The following GRID1 variants were observed in gnomAD, a reference collection of about 807,000 sequenced individuals.
The protein encoded by GRID1 is glutamate ionotropic receptor delta type subunit 1.
Under a neutral mutation model 98.0 loss-of-function variants are expected in GRID1, and 28 were observed. The observed-to-expected ratio is 0.29, with a 90% confidence interval of 0.21 to 0.39. The LOEUF is 0.39. GRID1 is among the 10% of genes least tolerant of loss of function. The pLI, the probability that GRID1 is intolerant of heterozygous loss-of-function variation, is 1.00. For missense variants in GRID1, 1,111 were observed against 1,340.5 expected (o/e 0.83, Z 2.67); for synonymous variants, 553 against 538.5 (o/e 1.03, Z -0.37).
At chr10:86,184,560 T>G (rs1224118305) in intron 3 of GRID1, among the ~76,000 whole-genome samples, 1 of 151,154 alleles carries the variant, frequency 6.6e-6, no homozygotes, top group Non-Finnish European at 1.5e-5. Flanking sequence ...TTTGCAACCC[T>G]GTTGAAATCA....
At chr10:86,308,066 C>A (rs1477603395) in intron 2 of GRID1, among the ~76,000 whole-genome samples, 1 of 152,314 alleles carries the variant, frequency 6.6e-6, no homozygotes, top group Middle Eastern at 3.4e-3. Context: ...TCCCCTCCCC[C>A]AAGGACCACC....
rs79012106 is a variant in GRID1, at chr10:85,861,844, C to T, written c.952-5654G>A. Among the ~76,000 whole-genome samples, 552 of 152,316 alleles carry T rather than the reference C, an allele frequency of 3.6e-3. 2 individuals carry two copies. Among genetic ancestry groups the T allele is most frequent in the African/African-American group, 0.013 (521 of 41,580 alleles). ...CTGGAGAAGCTTCCAGATGAGGACTCAATTGAGTGAGGACTCAATGGTCAC... is the reference window on the plus strand; with the variant it reads ...CTGGAGAAGCTTCCAGATGAGGACTTAATTGAGTGAGGACTCAATGGTCAC... On this transcript the variant is annotated intron_variant, in intron 6 of 15. Coordinates refer to ENST00000327946, the MANE Select transcript of GRID1 (RefSeq NM_017551.3).
chr10:86,018,597 G>A (rs1843008637), intron 4 of GRID1, among the ~76,000 whole-genome samples: 1 of 152,196 alleles, frequency 6.6e-6, no homozygotes, highest in Admixed American at 6.5e-5. Context: ...GACTGCAGGT[G>A]CCCACGCCTT....
intron 2 of GRID1, among the ~76,000 whole-genome samples, chr10:86,347,457 AAGTGATTCAGCCC>A (rs1197544270): frequency 1.3e-5 from 2 of 152,186 alleles, no homozygotes; most frequent in African/African-American, 2.4e-5. Flanking sequence ...TTCGGGGAGG[AAGTGATTCAGCCC>A]CATACCAGCC....
At chr10:86,153,957 G>GC (rs1845207111) in intron 3 of GRID1, among the ~76,000 whole-genome samples, 2 of 152,184 alleles carry the variant, frequency 1.3e-5, no homozygotes, top group Admixed American at 6.5e-5. Flanking sequence ...TCCTCGGGCT[G>GC]ATCCATCACA....
chr10:86,144,028 C>T (rs1156747579), intron 3 of GRID1, among the ~76,000 whole-genome samples: 1 of 152,190 alleles, frequency 6.6e-6, no homozygotes, highest in Non-Finnish European at 1.5e-5. Context: ...CCTTCTTCCC[C>T]TAGTACTCAC....
At chr10:85,746,041 T>A (rs1294478155) in intron 8 of GRID1, among the ~76,000 whole-genome samples, 2 of 152,206 alleles carry the variant, frequency 1.3e-5, no homozygotes, top group African/African-American at 2.4e-5. Context: ...CTACTCCTCC[T>A]TACAAATGGT....
intron 8 of GRID1, among the ~76,000 whole-genome samples, chr10:85,818,873 A>G (rs1842737952): frequency 1.3e-5 from 2 of 152,050 alleles, no homozygotes; most frequent in Admixed American, 6.5e-5. Context: ...ACATGCCACC[A>G]CACCTGGATA....
At chr10:86,284,139 CA>C (rs1438464924) in intron 2 of GRID1, among the ~76,000 whole-genome samples, 1 of 151,850 alleles carries the variant, frequency 6.6e-6, no homozygotes, top group East Asian at 1.9e-4. Context: ...CCCTCATGCA[CA>C]CACCTGCATA....
chr10:86,359,413 A>G (rs1011815818), intron 2 of GRID1, among the ~76,000 whole-genome samples: 7 of 152,106 alleles, frequency 4.6e-5, no homozygotes, highest in African/African-American at 1.7e-4. Context: ...CAGGGTGACC[A>G]CCTAGGAGGT....
chr10:86,046,861 CAAAAAAAAAAA>C (rs199526669), intron 4 of GRID1, among the ~76,000 whole-genome samples: 7 of 107,690 alleles, frequency 6.5e-5, no homozygotes, highest in Admixed American at 9.5e-5. Context: ...AAGCCCATTT[CAAAAAAAAAAA>C]AAAAAAAAAG....
At chr10:85,881,195 T>A (rs1159765310) in intron 5 of GRID1, among the ~76,000 whole-genome samples, 1 of 152,226 alleles carries the variant, frequency 6.6e-6, no homozygotes, top group African/African-American at 2.4e-5. Context: ...ATGGCCATAC[T>A]GCCCAAGGTA....
At chr10:86,112,779 A>G (rs1225603489) in intron 4 of GRID1, among the ~76,000 whole-genome samples, 1 of 152,188 alleles carries the variant, frequency 6.6e-6, no homozygotes, top group Non-Finnish European at 1.5e-5. Context: ...CATGAGAACC[A>G]AGGCAACTCC....
intron 8 of GRID1, among the ~76,000 whole-genome samples, chr10:85,782,699 T>C (rs1354749412): frequency 6.6e-6 from 1 of 152,146 alleles, no homozygotes; most frequent in African/African-American, 2.4e-5. Flanking sequence ...GGCCCTGACG[T>C]AGATGCATGC....
Position 85,941,342 on chromosome 10 carries a change from T to C in GRID1, c.727-25103A>G, listed in dbSNP as rs189681447. On this transcript the variant is annotated intron_variant, in intron 4 of 15. Transcript: ENST00000327946. ...TTAACAGCATTAAAAGAAAAAAATA[T>C]AGGATGACACACAAAAACCACATAA... 3.0e-3 allele frequency among the ~76,000 whole-genome samples: 457 copies of C among 152,196 alleles called. 3 individuals carry two copies. The highest frequency in any genetic ancestry group is 3.4e-3 in the Middle Eastern group (1 of 294).
chr10:86,163,735 TCAGA>T (rs1274199081), intron 3 of GRID1, among the ~76,000 whole-genome samples: 1 of 152,176 alleles, frequency 6.6e-6, no homozygotes, highest in African/African-American at 2.4e-5. Context: ...GAGGCCTGGG[TCAGA>T]CAATGTTTGT....
At chr10:85,963,922 A>C (rs753060677) in intron 4 of GRID1, among the ~76,000 whole-genome samples, 16 of 152,260 alleles carry the variant, frequency 1.1e-4, no homozygotes, top group Non-Finnish European at 2.2e-4. Context: ...TACATGGCAG[A>C]GTAAGGACTT....
At chr10:85,748,303 C>T (rs149474600) in intron 8 of GRID1, among the ~76,000 whole-genome samples, 1 of 152,106 alleles carries the variant, frequency 6.6e-6, no homozygotes, top group Non-Finnish European at 1.5e-5. Context: ...AAACCTGAGG[C>T]TCAAGGGTGA....
intron 4 of GRID1, among the ~76,000 whole-genome samples, chr10:86,012,884 T>C (rs1325859169): frequency 6.6e-6 from 1 of 152,236 alleles, no homozygotes; most frequent in African/African-American, 2.4e-5. Context: ...CGAAATCATT[T>C]ATGGTATTTT....
Sources: gnomAD v4.1 joint callset for allele counts (sites outside exome capture counted in the v4.1 genomes callset) on GRCh38, gnomAD v4.1.1 for gene constraint, MANE v1.5 for transcripts, NCBI Gene and HGNC (gene_info 2026-07-23, HGNC 2026-07-21) for gene names.